RNGTT: variants seen among roughly 807,000 people sequenced by gnomAD.
RNGTT encodes RNA guanylyltransferase and 5'-phosphatase.
Under a neutral mutation model 79.3 loss-of-function variants are expected in RNGTT, and 33 were observed. That is an observed-to-expected ratio of 0.42 (90% CI 0.32 to 0.56). RNGTT has a LOEUF of 0.56. Ranked by LOEUF, RNGTT falls within the 20% of genes least tolerant of loss-of-function variation. The probability of loss-of-function intolerance (pLI) is 0.17; values close to 1 mark genes in which losing one functional copy is unlikely to be tolerated. For missense variants in RNGTT, 497 were observed against 739.1 expected (o/e 0.67, Z 3.80); for synonymous variants, 222 against 235.9 (o/e 0.94, Z 0.54).
rs904409584 is a variant in RNGTT, at chr6:88,614,134, G to T, written c.1630+138C>A. On this transcript the variant is annotated intron_variant, in intron 15 of 15. Transcript: ENST00000369485. ...GAGCCAAACAGAATACAGACTTGAC[G>T]TATCTTTCCCATCAAACAAGGATGA... 7.7e-6 allele frequency: 6 copies of T among 775,840 alleles called. No individual in the cohort carries two copies. In the Admixed American group the frequency reaches 1.7e-4, roughly 21 times the overall value. The allele number at this position is 775,840 out of a possible 1,614,324, so 48.1% of individuals were successfully genotyped here.
chr6:88,703,368 CA>C (rs1776008275), intron 13 of RNGTT, among the ~76,000 whole-genome samples: 2 of 152,158 alleles, frequency 1.3e-5, no homozygotes, highest in Non-Finnish European at 2.9e-5. Context: ...ACTACACAGC[CA>C]TAAAAAGGAC....
chr6:88,746,122 T>C (rs888900149), intron 13 of RNGTT, among the ~76,000 whole-genome samples: 1 of 152,216 alleles, frequency 6.6e-6, no homozygotes, highest in South Asian at 2.1e-4. Flanking sequence ...TGCAAGGCTC[T>C]AGCAGACCAG....
chr6:88,793,330 A>G (rs1449194703), intron 12 of RNGTT, among the ~76,000 whole-genome samples: 1 of 152,206 alleles, frequency 6.6e-6, no homozygotes, highest in Non-Finnish European at 1.5e-5. Context: ...CATCAATTAA[A>G]CTGTTACCAA....
intron 7 of RNGTT, among the ~76,000 whole-genome samples, chr6:88,890,965 C>A (rs530453511): frequency 3.6e-4 from 55 of 152,166 alleles, no homozygotes; most frequent in African/African-American, 1.2e-3. Context: ...CCATATTTCC[C>A]CAACGTGAGA....
chr6:88,623,542 C>G (rs1772516277), intron 14 of RNGTT, among the ~76,000 whole-genome samples: 1 of 151,892 alleles, frequency 6.6e-6, no homozygotes, highest in African/African-American at 2.4e-5. Context: ...ATTCTACAAC[C>G]AAAATATAAT....
At chr6:88,661,611 A>C (rs1334534088) in intron 14 of RNGTT, among the ~76,000 whole-genome samples, 1 of 152,204 alleles carries the variant, frequency 6.6e-6, no homozygotes, top group Non-Finnish European at 1.5e-5. Context: ...CAACCCTCCT[A>C]GATTAAACCA....
intron 14 of RNGTT, among the ~76,000 whole-genome samples, chr6:88,676,055 T>G (rs1774863484): frequency 6.6e-6 from 1 of 152,086 alleles, no homozygotes; most frequent in Non-Finnish European, 1.5e-5. Flanking sequence ...ACTGACAAGA[T>G]GATTATAAAA....
At chr6:88,908,292 CATT>C (rs1562314440) in intron 4 of RNGTT, among the ~76,000 whole-genome samples, 1 of 152,054 alleles carries the variant, frequency 6.6e-6, no homozygotes, top group Non-Finnish European at 1.5e-5. Flanking sequence ...TGAAAGACAT[CATT>C]AAGAATATAA....
intron 13 of RNGTT, among the ~76,000 whole-genome samples, chr6:88,765,653 G>A (rs1441176247): frequency 6.6e-6 from 1 of 152,138 alleles, no homozygotes; most frequent in Non-Finnish European, 1.5e-5. Context: ...AGGTTAGGTA[G>A]GTTAAGTTAA....
At chr6:88,935,555 A>T (rs1047033525) in intron 2 of RNGTT, among the ~76,000 whole-genome samples, 5 of 152,200 alleles carry the variant, frequency 3.3e-5, no homozygotes, top group African/African-American at 9.6e-5. Context: ...CTTTAAAAAA[A>T]GTTTTTTTTA....
chr6:88,732,783 G>A (rs147888816), intron 13 of RNGTT, among the ~76,000 whole-genome samples: 6 of 152,216 alleles, frequency 3.9e-5, no homozygotes, highest in African/African-American at 1.4e-4. Context: ...AAAGCCAGGG[G>A]CTGGAGGAGG....
chr6:88,743,624 A>C (rs949088782), intron 13 of RNGTT, among the ~76,000 whole-genome samples: 12 of 152,190 alleles, frequency 7.9e-5, no homozygotes, highest in South Asian at 6.2e-4. Flanking sequence ...CTGAAGGTTC[A>C]TTCACAATGT....
At chr6:88,778,239 G>A (rs1778955034) in intron 12 of RNGTT, among the ~76,000 whole-genome samples, 1 of 152,144 alleles carries the variant, frequency 6.6e-6, no homozygotes, top group Admixed American at 6.5e-5. Context: ...AACATTGTAA[G>A]CCTTGAAGGA....
chr6:88,963,398 G>C lies in RNGTT; in HGVS notation c.12C>G (p.Asn4Lys), dbSNP rs1201698272. MAH[N>K]KIPPRWLNCP... ...AGTTCAGCCACCGCGGCGGGATCTT[G>C]TTGTGAGCCATGTCTTGGGGCTGCG... Residue 4 changes from asparagine to lysine, a missense_variant, in exon 1 of 16, where the codon AAC (asparagine) becomes AAG (lysine). Physicochemically the swap from Asn to Lys is moderately conservative, Grantham distance 94. This residue lies in a region of RNGTT where 440 missense variants were observed against 671.5 expected (regional missense o/e 0.66). Transcript: ENST00000369485. 1 of 1,607,798 alleles carries C rather than the reference G, an allele frequency of 6.2e-7. No individual in the cohort carries two copies. Among genetic ancestry groups the C allele is most frequent in the Admixed American group, 1.7e-5 (1 of 59,458 alleles).
At position 88,611,272 on chromosome 6, in the gene RNGTT, C is replaced by T. The variant is rs920919359; in HGVS notation, c.*1447G>A. On this transcript the variant is annotated 3_prime_UTR_variant, in exon 16 of 16. Transcript: ENST00000369485. The stretch of plus-strand genomic sequence containing the variant: ...TCTGTGCTATGTCCATATAGAAATC[C>T]CGTCAGATATTCAGTCTACCGGGTA... The T allele has an allele frequency of 2.0e-5, 3 of 152,568 alleles. No individual in the cohort carries two copies. Among genetic ancestry groups the T allele is most frequent in the African/African-American group, 7.2e-5 (3 of 41,408 alleles). The allele number at this position is 152,568 out of a possible 1,614,324, so 9.5% of individuals were successfully genotyped here. A position where few individuals can be genotyped will look rare whatever the true frequency, so the allele number is the denominator to read the frequency against.
At chr6:88,729,353 T>A (rs1777029519) in intron 13 of RNGTT, among the ~76,000 whole-genome samples, 2 of 147,128 alleles carry the variant, frequency 1.4e-5, no homozygotes, top group Non-Finnish European at 3.0e-5. Context: ...CAATTGGCTA[T>A]CCCTTTTACC....
chr6:88,921,421 T>C (rs1286739895), intron 4 of RNGTT, among the ~76,000 whole-genome samples: 1 of 152,208 alleles, frequency 6.6e-6, no homozygotes, highest in Admixed American at 6.5e-5. Context: ...GGTGAGGCTG[T>C]GGGCTAATGC....
intron 1 of RNGTT, among the ~76,000 whole-genome samples, chr6:88,962,016 C>G (rs1050673806): frequency 6.6e-6 from 1 of 152,092 alleles, no homozygotes; most frequent in African/African-American, 2.4e-5. Context: ...GGATGAGTAT[C>G]AAATTAATTA....
intron 12 of RNGTT, among the ~76,000 whole-genome samples, chr6:88,770,307 T>C (rs1562243543): frequency 1.3e-5 from 2 of 152,214 alleles, no homozygotes; most frequent in Non-Finnish European, 1.5e-5. Flanking sequence ...AATTTCTTGC[T>C]ACCATTTGCA....
Sources: gnomAD v4.1 joint callset for allele counts (sites outside exome capture counted in the v4.1 genomes callset) on GRCh38, gnomAD v4.1.1 for gene constraint, gnomAD v4.1.1 regional missense constraint, MANE v1.5 for transcripts, NCBI Gene and HGNC (gene_info 2026-07-23, HGNC 2026-07-21) for gene names.